LTBP1: variants seen among roughly 807,000 people sequenced by gnomAD.
LTBP1 encodes the protein latent transforming growth factor beta binding protein 1.
In LTBP1, 129 loss-of-function variants were observed where a neutral mutation model predicts 207.6. The observed-to-expected ratio is 0.62, with a 90% CI of 0.54 to 0.72. LTBP1 has a LOEUF of 0.72. Ranked by LOEUF, LTBP1 falls within the 30% of genes least tolerant of loss-of-function variation. The probability of loss-of-function intolerance (pLI) is 0.00; values close to 1 mark genes in which losing one functional copy is unlikely to be tolerated. For missense variants in LTBP1, 2,281 were observed against 2,217.2 expected (o/e 1.03, Z -0.58); for synonymous variants, 963 against 833.7 (o/e 1.16, Z -2.67).
At chr2:33,062,551 G>A (rs1388653214) in intron 3 of LTBP1, among the ~76,000 whole-genome samples, 1 of 152,098 alleles carries the variant, frequency 6.6e-6, no homozygotes, top group Non-Finnish European at 1.5e-5. Flanking sequence ...TTGTTGAAAA[G>A]AGTTTCTTTT....
At chr2:33,149,880 T>C (rs1431703731) in intron 5 of LTBP1, among the ~76,000 whole-genome samples, 1 of 152,156 alleles carries the variant, frequency 6.6e-6, no homozygotes, top group Admixed American at 6.5e-5. Context: ...ATTTGAACGA[T>C]AGCATCATCA....
In LTBP1 at chr2:33,361,516, G is replaced by C; in HGVS notation, c.4270+1G>C. The C allele has an allele frequency of 2.5e-6, 4 of 1,610,190 alleles. No individual in the cohort carries two copies. Among genetic ancestry groups the C allele is most frequent in the Non-Finnish European group, 3.4e-6 (4 of 1,177,330 alleles). On this transcript the variant is annotated splice_donor_variant, in intron 28 of 33. Transcript: ENST00000404816. LOFTEE classifies it high-confidence loss of function. ...GAAGCTGGTGGTGAGAACTATAAAG[G>C]TCAGAATCAAGTGGAAACAAATTTT...
At chr2:32,952,811 A>G (rs2148269776) in intron 2 of LTBP1, among the ~76,000 whole-genome samples, 1 of 152,314 alleles carries the variant, frequency 6.6e-6, no homozygotes, top group East Asian at 1.9e-4. Flanking sequence ...AAAGAATGAA[A>G]GAGAGGAGAG....
chr2:33,257,932 G>A (rs1454445300), intron 12 of LTBP1, among the ~76,000 whole-genome samples: 2 of 152,214 alleles, frequency 1.3e-5, no homozygotes, highest in East Asian at 3.8e-4. Context: ...AAGGATAATG[G>A]AGGATGAAAT....
chr2:33,311,603 A>G (rs996339291), intron 23 of LTBP1, among the ~76,000 whole-genome samples: 5 of 151,632 alleles, frequency 3.3e-5, no homozygotes, highest in African/African-American at 9.7e-5. Flanking sequence ...GCTTAAAAGT[A>G]TATTTTCTTT....
chr2:33,017,506 G>A (rs998746822), intron 2 of LTBP1, among the ~76,000 whole-genome samples: 2 of 152,198 alleles, frequency 1.3e-5, no homozygotes, highest in African/African-American at 4.8e-5. Context: ...GCACCATACT[G>A]TGAGAACCAC....
At chr2:33,300,804 A>C (rs774066719) in intron 21 of LTBP1, among the ~76,000 whole-genome samples, 1 of 152,232 alleles carries the variant, frequency 6.6e-6, no homozygotes, top group African/African-American at 2.4e-5. Context: ...ATTAGTATTA[A>C]GAAGAAAAAT....
intron 3 of LTBP1, among the ~76,000 whole-genome samples, chr2:33,105,894 C>T (rs1414791611): frequency 6.6e-6 from 1 of 152,174 alleles, no homozygotes; most frequent in East Asian, 1.9e-4. Context: ...TTCTCTGTGG[C>T]ATGCAGTGCT....
chr2:33,154,792 G>A (rs2083826979), intron 5 of LTBP1, among the ~76,000 whole-genome samples: 1 of 152,216 alleles, frequency 6.6e-6, no homozygotes, highest in Non-Finnish European at 1.5e-5. Flanking sequence ...GCCGGGCGCG[G>A]TGGTTCACAC....
At chr2:33,328,686 A>G (rs1436245811) in intron 24 of LTBP1, among the ~76,000 whole-genome samples, 1 of 152,164 alleles carries the variant, frequency 6.6e-6, no homozygotes, top group Non-Finnish European at 1.5e-5. Context: ...CCCTTGACAC[A>G]TGGGGATTAT....
chr2:33,232,374 C>T (rs964419722), intron 9 of LTBP1, among the ~76,000 whole-genome samples: 34 of 152,040 alleles, frequency 2.2e-4, no homozygotes, highest in Non-Finnish European at 3.2e-4. Flanking sequence ...GCATCTTTGT[C>T]GATGGAACAC....
rs1030933709 is a variant in LTBP1 at position 32,960,487 on chromosome 2, C to T, written c.565+11542C>T. Among the ~76,000 whole-genome samples, 9 of 152,072 alleles carry T rather than the reference C, an allele frequency of 5.9e-5. 1 individual carries two copies. The South Asian group carries it at 1.0e-3, about 18-fold the overall frequency. On this transcript the variant is annotated intron_variant, in intron 2 of 33. Transcript: ENST00000404816. ...CTCCTATATAGTAGGTTTTGGTACA[C>T]GGAAGGTGTTAAGATGACTTTTTCT...
chr2:33,148,180 C>T (rs917758589), intron 5 of LTBP1, among the ~76,000 whole-genome samples: 5 of 152,104 alleles, frequency 3.3e-5, no homozygotes, highest in South Asian at 4.1e-4. Context: ...GATATATTTG[C>T]GTAGGTCCAT....
chr2:33,389,877 A>T (rs772048822), intron 32 of LTBP1, among the ~76,000 whole-genome samples: 17 of 152,088 alleles, frequency 1.1e-4, no homozygotes, highest in Non-Finnish European at 2.1e-4. Context: ...TGACCTTGTA[A>T]TCCATCCATC....
intron 23 of LTBP1, among the ~76,000 whole-genome samples, chr2:33,310,610 G>T (rs1487797335): frequency 6.6e-6 from 1 of 152,048 alleles, no homozygotes; most frequent in Non-Finnish European, 1.5e-5. Flanking sequence ...TGAACCCAGG[G>T]TCTTTTCCCA....
rs1010931723 is a variant in LTBP1, at chr2:33,000,342, C to T, written c.566-20567C>T. Among the ~76,000 whole-genome samples, 11 of 134,766 alleles carry T rather than the reference C, an allele frequency of 8.2e-5. 1 individual carries two copies. The highest frequency in any genetic ancestry group is 2.1e-4 in the African/African-American group (8 of 38,676). The allele number at this position is 134,766 out of a possible 152,430, so 88.4% of individuals were successfully genotyped here. ...GCACCTGAATGTGTATACCGAGCTACGGAATCCAGGATTCATTCCTTGTCT... is the reference window on the plus strand; with the variant it reads ...GCACCTGAATGTGTATACCGAGCTATGGAATCCAGGATTCATTCCTTGTCT... On this transcript the variant is annotated intron_variant, in intron 2 of 33. Transcript: ENST00000404816.
chr2:33,017,321 G>A (rs1288763061), intron 2 of LTBP1, among the ~76,000 whole-genome samples: 1 of 152,224 alleles, frequency 6.6e-6, no homozygotes, highest in African/African-American at 2.4e-5. Context: ...GAAACTTGCT[G>A]CTGGAAGACC....
chr2:32,980,609 A>G (rs1250088301), intron 2 of LTBP1, among the ~76,000 whole-genome samples: 2 of 152,178 alleles, frequency 1.3e-5, no homozygotes, highest in Non-Finnish European at 2.9e-5. Context: ...TTCTGAAAAT[A>G]TTAGTAGTTT....
At chr2:33,060,094 G>A (rs1164823451) in intron 3 of LTBP1, among the ~76,000 whole-genome samples, 5 of 152,118 alleles carry the variant, frequency 3.3e-5, no homozygotes, top group African/African-American at 1.2e-4. Flanking sequence ...TGTGCACATG[G>A]ACCTATTTTT....
Sources: allele counts gnomAD v4.1 joint callset (sites outside exome capture counted in the v4.1 genomes callset), GRCh38; gene constraint gnomAD v4.1.1; transcripts MANE v1.5; gene names NCBI Gene and HGNC (gene_info 2026-07-23, HGNC 2026-07-21).